PIERCE2: variants seen among roughly 807,000 people sequenced by gnomAD.
The protein encoded by PIERCE2 is piercer of microtubule wall 2 protein.
the PIERCE2 span, among the ~76,000 whole-genome samples, chr15:55,411,562 G>T: frequency 6.6e-6 from 1 of 152,036 alleles, no homozygotes; most frequent in Non-Finnish European, 1.5e-5. Flanking sequence ...GAGGCAGGTG[G>T]ATCACTTGAG....
the PIERCE2 span, among the ~76,000 whole-genome samples, chr15:55,414,759 T>C: frequency 1.1e-4 from 16 of 151,938 alleles, no homozygotes; most frequent in African/African-American, 3.9e-4. Flanking sequence ...ACGCCTGTAA[T>C]CCCAGCTGCT....
At chr15:55,409,809 A>G in the PIERCE2 span, among the ~76,000 whole-genome samples, 1 of 152,216 alleles carries the variant, frequency 6.6e-6, no homozygotes, top group Admixed American at 6.5e-5. Context: ...TTACTAAGAA[A>G]GCTAATACCA....
At chr15:55,416,043 T>C in the PIERCE2 span, among the ~76,000 whole-genome samples, 73 of 152,264 alleles carry the variant, frequency 4.8e-4, no homozygotes, top group East Asian at 2.1e-3. Context: ...CAGGATTCAG[T>C]CATGACATTT....
At chr15:55,410,813 C>A in the PIERCE2 span, 1 of 152,300 alleles carries the variant, frequency 6.6e-6, no homozygotes, top group East Asian at 1.9e-4. Flanking sequence ...CCACCTTCCA[C>A]CTATAAAGCT....
the PIERCE2 span, among the ~76,000 whole-genome samples, chr15:55,413,064 C>T: frequency 1.4e-4 from 22 of 151,806 alleles, no homozygotes; most frequent in Admixed American, 1.2e-3. Flanking sequence ...GTCAGGAGAT[C>T]GAGACCATCC....
chr15:55,414,232 G>GT, the PIERCE2 span, among the ~76,000 whole-genome samples: 1 of 144,146 alleles, frequency 6.9e-6, no homozygotes, highest in Non-Finnish European at 1.5e-5. Flanking sequence ...TTGAGACAGA[G>GT]TTTCACTCTT....
At chr15:55,413,873 A>T in the PIERCE2 span, among the ~76,000 whole-genome samples, 1 of 151,696 alleles carries the variant, frequency 6.6e-6, no homozygotes, top group Non-Finnish European at 1.5e-5. Flanking sequence ...TTAAAATATG[A>T]GTAGATATAA....
At chr15:55,418,224 A>T in the PIERCE2 span, 1 of 1,571,868 alleles carries the variant, frequency 6.4e-7, no homozygotes, top group East Asian at 2.3e-5. Context: ...ATCTTTTAGG[A>T]TAAGAAAAGT....
chr15:55,417,375 C>A, the PIERCE2 span, among the ~76,000 whole-genome samples: 4 of 152,126 alleles, frequency 2.6e-5, no homozygotes, highest in Admixed American at 2.6e-4. Flanking sequence ...CTTTCCCTAA[C>A]CCCCAACACT....
At chr15:55,408,808 G>A in the PIERCE2 span, 2 of 1,506,978 alleles carry the variant, frequency 1.3e-6, no homozygotes, top group Non-Finnish European at 1.8e-6. Flanking sequence ...CAGAGGGCTA[G>A]ATGTTTGGGA....
chr15:55,416,078 T>G, the PIERCE2 span, among the ~76,000 whole-genome samples: 2 of 151,776 alleles, frequency 1.3e-5, no homozygotes, highest in South Asian at 4.2e-4. Flanking sequence ...TGCAGTTTGT[T>G]GGTTTTTTTA....
chr15:55,411,702 A>G, the PIERCE2 span, among the ~76,000 whole-genome samples: 6 of 152,006 alleles, frequency 3.9e-5, no homozygotes, highest in Non-Finnish European at 8.8e-5. Flanking sequence ...CGGGCGGATC[A>G]CCTGAGGTTG....
chr15:55,408,841 T>C, the PIERCE2 span: 1 of 1,355,084 alleles, frequency 7.4e-7, no homozygotes, highest in Non-Finnish European at 1.0e-6. Flanking sequence ...GCTAGTATAA[T>C]TTGAGGCACC....
the PIERCE2 span, among the ~76,000 whole-genome samples, chr15:55,417,323 C>T: frequency 2.6e-5 from 4 of 152,074 alleles, no homozygotes; most frequent in Non-Finnish European, 5.9e-5. Context: ...ACTTCCTTGC[C>T]TTATAGTCAA....
At chr15:55,418,403 G>A in the PIERCE2 span, 11 of 1,532,308 alleles carry the variant, frequency 7.2e-6, no homozygotes, top group South Asian at 1.2e-5. Context: ...AAGTCATTAT[G>A]GTGAATTTCT....
chr15:55,411,055 T>G, the PIERCE2 span: 1 of 152,214 alleles, frequency 6.6e-6, no homozygotes, highest in Non-Finnish European at 1.5e-5. Flanking sequence ...TACAAACTTA[T>G]GAGTATTAAG....
the PIERCE2 span, among the ~76,000 whole-genome samples, chr15:55,416,080 G>T: frequency 2.6e-5 from 4 of 151,054 alleles, no homozygotes; most frequent in African/African-American, 9.8e-5. Context: ...CAGTTTGTTG[G>T]TTTTTTTAAA....
the PIERCE2 span, chr15:55,417,808 G>C: frequency 4.3e-6 from 1 of 231,066 alleles, no homozygotes; most frequent in Non-Finnish European, 8.5e-6. Context: ...GGCTGAGTCC[G>C]AAAAGACAGT....
the PIERCE2 span, among the ~76,000 whole-genome samples, chr15:55,416,525 A>T: frequency 6.6e-6 from 1 of 152,180 alleles, no homozygotes; most frequent in Non-Finnish European, 1.5e-5. Flanking sequence ...ATTGTAGTAC[A>T]TTGTAGTAAA....
Sources: gnomAD v4.1 joint callset for allele counts (sites outside exome capture counted in the v4.1 genomes callset) on GRCh38, gnomAD v4.1.1 for gene constraint, MANE v1.5 for transcripts, NCBI Gene and HGNC (gene_info 2026-07-23, HGNC 2026-07-21) for gene names.